EPHB1: variants seen among roughly 807,000 people sequenced by gnomAD.
EPHB1 encodes the protein EPH receptor B1.
EPHB1 carries 30 observed loss-of-function variants against 94.4 expected under a neutral mutation model. The observed-to-expected ratio is 0.32, with a 90% CI of 0.24 to 0.43. The LOEUF (loss-of-function observed/expected upper bound fraction) is 0.43. Among genes scored for constraint, EPHB1 ranks in the 20% least tolerant of loss-of-function variants. The pLI, the probability that EPHB1 is intolerant of heterozygous loss-of-function variation, is 1.00. For missense variants in EPHB1, 1,055 were observed against 1,308.3 expected (o/e 0.81, Z 2.99); for synonymous variants, 522 against 489.1 (o/e 1.07, Z -0.89).
chr3:134,867,950 G>T (rs766630563), intron 1 of EPHB1, among the ~76,000 whole-genome samples: 1 of 152,132 alleles, frequency 6.6e-6, no homozygotes, highest in Admixed American at 6.6e-5. Flanking sequence ...CCAGCAGAGG[G>T]TATACTCTGA....
At chr3:134,964,204 A>C (rs1261712750) in intron 3 of EPHB1, among the ~76,000 whole-genome samples, 1 of 152,224 alleles carries the variant, frequency 6.6e-6, no homozygotes, top group Non-Finnish European at 1.5e-5. Flanking sequence ...CATTGAGTAG[A>C]GGGACCTCCG....
chr3:135,137,422 T>A (rs1940660652), intron 5 of EPHB1, among the ~76,000 whole-genome samples: 1 of 152,212 alleles, frequency 6.6e-6, no homozygotes, highest in African/African-American at 2.4e-5. Flanking sequence ...GGATTTAGCC[T>A]GTTGGCGATG....
chr3:134,909,720 A>T (rs114119670), intron 1 of EPHB1, among the ~76,000 whole-genome samples: 1,709 of 152,274 alleles, frequency 0.011, 37 homozygotes, highest in African/African-American at 0.039. Context: ...AAGGATAGGG[A>T]GTCTTGAGGC....
chr3:134,798,495 G>T (rs1048168336), intron 1 of EPHB1, among the ~76,000 whole-genome samples: 1 of 152,140 alleles, frequency 6.6e-6, no homozygotes, highest in African/African-American at 2.4e-5. Flanking sequence ...CCACACTCCC[G>T]CATTTCCAGC....
At chr3:135,146,720 A>G (rs1255280115) in intron 5 of EPHB1, among the ~76,000 whole-genome samples, 1 of 152,196 alleles carries the variant, frequency 6.6e-6, no homozygotes, top group Non-Finnish European at 1.5e-5. Flanking sequence ...CACATCCACC[A>G]TGGCTTGGTC....
chr3:135,052,909 A>ATATATATATATGTGTG lies in EPHB1; in HGVS notation c.806-53538_806-53537insATATATATATGTGTGT, dbSNP rs1217744067. 7.3e-4 allele frequency among the ~76,000 whole-genome samples: 50 copies of ATATATATATATGTGTG among 68,838 alleles called. 1 individual carries two copies. The highest frequency in any genetic ancestry group is 3.4e-3 in the African/African-American group (44 of 12,962). 45.2% of individuals were successfully genotyped at this position (68,838 alleles called of 152,430 possible). A position where few individuals can be genotyped will look rare whatever the true frequency, so the allele number is the denominator to read the frequency against. On this transcript the variant is annotated intron_variant, in intron 3 of 15. Transcript: ENST00000398015. Reference sequence around the variant, plus strand: ...AAAAAAAATATATATATATATATATATGTGTGTGTGTGTGTGTGTGTGTAT... The same window carrying ATATATATATATGTGTG: ...AAAAAAAATATATATATATATATATATATATATATATGTGTGTGTGTGTGTGTGTGTGTGTGTGTAT...
intron 6 of EPHB1, among the ~76,000 whole-genome samples, chr3:135,160,576 C>A (rs1180689963): frequency 6.6e-6 from 1 of 152,124 alleles, no homozygotes; most frequent in African/African-American, 2.4e-5. Context: ...TCACTAAAGT[C>A]CCCATTTTTT....
chr3:134,832,117 T>C (rs1026087678), intron 1 of EPHB1, among the ~76,000 whole-genome samples: 9 of 152,248 alleles, frequency 5.9e-5, no homozygotes, highest in Admixed American at 5.9e-4. Context: ...GGGACACACA[T>C]TGACATATTG....
At chr3:135,128,040 T>C (rs1431472225) in intron 4 of EPHB1, among the ~76,000 whole-genome samples, 2 of 152,164 alleles carry the variant, frequency 1.3e-5, no homozygotes, top group Non-Finnish European at 2.9e-5. Context: ...GAAGTAACCG[T>C]GGCAACAGAT....
At chr3:135,161,016 A>G (rs898418291) in intron 6 of EPHB1, among the ~76,000 whole-genome samples, 1 of 152,218 alleles carries the variant, frequency 6.6e-6, no homozygotes, top group Non-Finnish European at 1.5e-5. Context: ...GTATGATGAT[A>G]GTTTTTAAGA....
intron 3 of EPHB1, among the ~76,000 whole-genome samples, chr3:134,972,782 T>C (rs879279083): frequency 5.3e-5 from 8 of 152,112 alleles, no homozygotes; most frequent in African/African-American, 9.7e-5. Flanking sequence ...TTTGAAGTTG[T>C]GGATGGACTT....
intron 1 of EPHB1, among the ~76,000 whole-genome samples, chr3:134,904,833 A>T (rs2038285513): frequency 6.6e-6 from 1 of 152,200 alleles, no homozygotes; most frequent in African/African-American, 2.4e-5. Flanking sequence ...GTTCAAGCTT[A>T]GTTGGTGAAA....
chr3:135,183,204 C>T (rs1175303319), intron 10 of EPHB1, among the ~76,000 whole-genome samples: 1 of 128,890 alleles, frequency 7.8e-6, no homozygotes, highest in Non-Finnish European at 1.8e-5. Context: ...TCCTTCCTCC[C>T]TCCCTCCCTT....
At chr3:134,990,360 T>G (rs1312436512) in intron 3 of EPHB1, among the ~76,000 whole-genome samples, 1 of 152,212 alleles carries the variant, frequency 6.6e-6, no homozygotes, top group African/African-American at 2.4e-5. Context: ...TTTAAGAAAT[T>G]TTTTTATTAT....
chr3:134,932,050 T>G (rs918101417), intron 2 of EPHB1, among the ~76,000 whole-genome samples: 3 of 151,840 alleles, frequency 2.0e-5, no homozygotes, highest in Non-Finnish European at 4.4e-5. Context: ...TGTGTGTGTG[T>G]ATGTATGAAG....
intron 1 of EPHB1, among the ~76,000 whole-genome samples, chr3:134,847,607 G>A (rs569310181): frequency 6.6e-6 from 1 of 152,328 alleles, no homozygotes; most frequent in East Asian, 1.9e-4. Context: ...GACTAAGTCT[G>A]TTGGTCTGCC....
intron 6 of EPHB1, among the ~76,000 whole-genome samples, chr3:135,156,671 T>C (rs570110272): frequency 4.6e-5 from 7 of 152,232 alleles, no homozygotes; most frequent in Non-Finnish European, 8.8e-5. Context: ...ACTTAGAGAA[T>C]ATTGAGTTTT....
At position 134,857,166 on chromosome 3, in the gene EPHB1, T is replaced by C. The variant is rs115480630; in HGVS notation, c.58+61477T>C. Among the ~76,000 whole-genome samples the C allele has an allele frequency of 4.5e-3, 686 of 152,176 alleles. 6 individuals carry two copies. The highest frequency in any genetic ancestry group is 0.016 in the African/African-American group (652 of 41,498). The stretch of plus-strand genomic sequence containing the variant: ...AGGGAGGTGGAGGGCTCAACTAGGG[T>C]GGGCTCCTGGGAGGCCAAGTGCTGA... On this transcript the variant is annotated intron_variant, in intron 1 of 15. Coordinates refer to ENST00000398015, the MANE Select transcript of EPHB1 (RefSeq NM_004441.5).
At chr3:135,074,668 T>C (rs1261916091) in intron 3 of EPHB1, among the ~76,000 whole-genome samples, 1 of 152,220 alleles carries the variant, frequency 6.6e-6, no homozygotes, top group Non-Finnish European at 1.5e-5. Flanking sequence ...TACCTAGTCT[T>C]AGCCCCAGCT....
Sources: gnomAD v4.1 joint callset for allele counts (sites outside exome capture counted in the v4.1 genomes callset) on GRCh38, gnomAD v4.1.1 for gene constraint, MANE v1.5 for transcripts, NCBI Gene and HGNC (gene_info 2026-07-23, HGNC 2026-07-21) for gene names.